CDH13: variants seen among roughly 807,000 people sequenced by gnomAD.
CDH13 encodes cadherin-13.
In CDH13, 24 loss-of-function variants were observed where a neutral mutation model predicts 63.8. That is an observed-to-expected ratio of 0.38 (90% CI 0.27 to 0.53). The LOEUF is 0.53. CDH13 is among the 20% of genes least tolerant of loss of function. CDH13 has a pLI of 0.85. For missense variants in CDH13, 1,049 were observed against 903.1 expected (o/e 1.16, Z -2.07); for synonymous variants, 503 against 355.3 (o/e 1.42, Z -4.67).
chr16:83,375,123 C>T (rs569731925), intron 6 of CDH13, among the ~76,000 whole-genome samples: 1 of 152,322 alleles, frequency 6.6e-6, no homozygotes, highest in African/African-American at 2.4e-5. Context: ...TATTCCCACC[C>T]TCCCAGCTGA....
At chr16:83,076,322 G>A (rs2032831723) in intron 3 of CDH13, among the ~76,000 whole-genome samples, 3 of 152,146 alleles carry the variant, frequency 2.0e-5, no homozygotes, top group African/African-American at 7.2e-5. Context: ...TCTAAGTATT[G>A]TAAGTGTCTG....
At chr16:82,917,037 C>G (rs964235295) in intron 2 of CDH13, among the ~76,000 whole-genome samples, 1 of 152,138 alleles carries the variant, frequency 6.6e-6, no homozygotes, top group Non-Finnish European at 1.5e-5. Flanking sequence ...CATAAGGAGG[C>G]AAATAAAAGG....
At chr16:83,181,924 G>A (rs1034461369) in intron 4 of CDH13, among the ~76,000 whole-genome samples, 2 of 152,138 alleles carry the variant, frequency 1.3e-5, no homozygotes, top group African/African-American at 2.4e-5. Flanking sequence ...CACAGGCGTC[G>A]GGCACAGAGA....
At chr16:82,746,683 A>G (rs556664893) in intron 1 of CDH13, among the ~76,000 whole-genome samples, 24 of 152,276 alleles carry the variant, frequency 1.6e-4, no homozygotes, top group African/African-American at 5.8e-4. Context: ...AAGCATACAT[A>G]TATATACAAT....
chr16:83,411,890 C>A (rs1162800031), intron 6 of CDH13, among the ~76,000 whole-genome samples: 1 of 152,212 alleles, frequency 6.6e-6, no homozygotes, highest in African/African-American at 2.4e-5. Flanking sequence ...TAACATCCCA[C>A]ATTACAGAGG....
chr16:83,051,759 C>G (rs1024278560), intron 3 of CDH13, among the ~76,000 whole-genome samples: 1 of 152,110 alleles, frequency 6.6e-6, no homozygotes, highest in Non-Finnish European at 1.5e-5. Flanking sequence ...CTAGTTATGA[C>G]TTGTATTATC....
intron 7 of CDH13, among the ~76,000 whole-genome samples, chr16:83,589,789 A>C (rs1029405375): frequency 5.9e-5 from 9 of 152,158 alleles, no homozygotes; most frequent in African/African-American, 9.6e-5. Context: ...ACCGTGCCAT[A>C]CAGCCAGGGC....
chr16:83,012,699 A>G (rs1914287759), intron 2 of CDH13, among the ~76,000 whole-genome samples: 1 of 152,150 alleles, frequency 6.6e-6, no homozygotes, highest in Admixed American at 6.6e-5. Flanking sequence ...TTGGTTCTAA[A>G]TTAAATTATT....
chr16:82,653,410 G>C (rs945084430), intron 1 of CDH13, among the ~76,000 whole-genome samples: 1 of 152,172 alleles, frequency 6.6e-6, no homozygotes, highest in Non-Finnish European at 1.5e-5. Flanking sequence ...AACTTTGGAG[G>C]AGAACAGAGA....
intron 3 of CDH13, among the ~76,000 whole-genome samples, chr16:83,094,811 G>A (rs1453061441): frequency 6.6e-6 from 1 of 152,164 alleles, no homozygotes; most frequent in Non-Finnish European, 1.5e-5. Flanking sequence ...GTGGGCATAC[G>A]CAATTTTTTC....
At chr16:83,139,102 T>G (rs189984657) in intron 4 of CDH13, among the ~76,000 whole-genome samples, 58 of 152,236 alleles carry the variant, frequency 3.8e-4, no homozygotes, top group Admixed American at 7.2e-4. Flanking sequence ...GTACTGCTCC[T>G]CTTTGAAATA....
At chr16:83,360,696 G>A (rs1338232914) in intron 6 of CDH13, among the ~76,000 whole-genome samples, 2 of 152,130 alleles carry the variant, frequency 1.3e-5, no homozygotes, top group Non-Finnish European at 2.9e-5. Flanking sequence ...ACTTATAAGT[G>A]AGAATGTGCT....
At chr16:82,703,264 T>G (rs1173095681) in intron 1 of CDH13, among the ~76,000 whole-genome samples, 1 of 152,002 alleles carries the variant, frequency 6.6e-6, no homozygotes, top group Non-Finnish European at 1.5e-5. Context: ...CACTCAGGGC[T>G]GCCCCACAGC....
chr16:83,094,328 A>G (rs2034084368), intron 3 of CDH13, among the ~76,000 whole-genome samples: 1 of 152,142 alleles, frequency 6.6e-6, no homozygotes. Context: ...AAACTTTGGG[A>G]AATGTTCTCA....
chr16:83,031,385 T>C lies in CDH13; in HGVS notation c.158-625T>C, dbSNP rs369366624. On this transcript the variant is annotated intron_variant, in intron 2 of 13. Coordinates refer to ENST00000567109, the MANE Select transcript of CDH13 (RefSeq NM_001257.5). Reference sequence around the variant, plus strand: ...ATGTACATGTATATGTATACACGTATATGTATATACATATACATGTATATG... The same window carrying C: ...ATGTACATGTATATGTATACACGTACATGTATATACATATACATGTATATG... Among the ~76,000 whole-genome samples, 34 of 68,058 alleles carry C rather than the reference T, an allele frequency of 5.0e-4. 2 individuals are homozygous for C. The highest frequency in any genetic ancestry group is 1.3e-3 in the Admixed American group (10 of 7,488). 44.6% of individuals were successfully genotyped at this position (68,058 alleles called of 152,430 possible).
In CDH13 at chr16:83,486,542, C is replaced by A. The variant is rs562310269; in HGVS notation, c.847C>A (p.Arg283=). 5.6e-6 allele frequency: 9 copies of A among 1,613,848 alleles called. No individual in the cohort carries two copies. The African/African-American group carries it at 1.2e-4, about 22-fold the overall frequency. Reference sequence around the variant, plus strand: ...CCCAGCCACCGATAATGCCCTCCTGCGGTATAATATCCGTCAGCAGACGCC... The same window carrying A: ...CCCAGCCACCGATAATGCCCTCCTGAGGTATAATATCCGTCAGCAGACGCC... ...DDPATDNALL[R]YNIRQQTPDK... is the part of the protein sequence containing the mutation. Residue 283 remains arginine, a synonymous_variant, in exon 7 of 14, where the codon CGG becomes AGG. Coordinates refer to ENST00000567109, the MANE Select transcript of CDH13 (RefSeq NM_001257.5).
At chr16:83,553,714 A>G (rs1329170380) in intron 7 of CDH13, among the ~76,000 whole-genome samples, 1 of 151,958 alleles carries the variant, frequency 6.6e-6, no homozygotes, top group Non-Finnish European at 1.5e-5. Flanking sequence ...CCACCACCAC[A>G]CTTGGCTAAT....
intron 1 of CDH13, among the ~76,000 whole-genome samples, chr16:82,712,684 C>A (rs112588697): frequency 6.6e-6 from 1 of 152,166 alleles, no homozygotes; most frequent in Non-Finnish European, 1.5e-5. Flanking sequence ...TTTCGTCAGG[C>A]CCCCTGAAGC....
intron 4 of CDH13, among the ~76,000 whole-genome samples, chr16:83,191,208 G>T (rs560222818): frequency 2.8e-5 from 4 of 143,424 alleles, no homozygotes; most frequent in Admixed American, 7.4e-5. Context: ...AGGGTCATAC[G>T]AGATAATACA....
Sources: allele counts gnomAD v4.1 joint callset (sites outside exome capture counted in the v4.1 genomes callset), GRCh38; gene constraint gnomAD v4.1.1; transcripts MANE v1.5; gene names NCBI Gene and HGNC (gene_info 2026-07-23, HGNC 2026-07-21).